ALMS1: variants seen among roughly 807,000 people sequenced by gnomAD.
The protein encoded by ALMS1 is ALMS1 centrosome and basal body associated protein.
A neutral mutation model predicts 352.2 loss-of-function variants in ALMS1; 271 were observed. That is an observed-to-expected ratio of 0.77 (90% CI 0.70 to 0.85). The LOEUF (loss-of-function observed/expected upper bound fraction) is 0.85. Ranked by LOEUF, ALMS1 falls within the 40% of genes least tolerant of loss-of-function variation. The pLI, the probability that ALMS1 is intolerant of heterozygous loss-of-function variation, is 0.00. For synonymous variants in ALMS1, 1,865 were observed against 1,761.2 expected (o/e 1.06, Z -1.48); for missense variants, 5,445 against 4,870.7 (o/e 1.12, Z -3.51).
At chr2:73,551,805 A>G (rs1573014362) in intron 13 of ALMS1, among the ~76,000 whole-genome samples, 1 of 152,160 alleles carries the variant, frequency 6.6e-6, no homozygotes, top group East Asian at 1.9e-4. Flanking sequence ...GATAGATGAT[A>G]ATATTTATTA....
rs2104216355 is a variant in ALMS1 at position 73,608,542 on chromosome 2, T to A, written c.12430T>A (p.Ser4144Thr). The change falls in exon 22 of 23, where the codon TCA becomes ACA. Residue 4144 changes from serine (S) to threonine (T), a missense_variant. Ser to Thr is a moderately conservative substitution (Grantham distance 58, BLOSUM62 1). Coordinates refer to ENST00000613296, the MANE Select transcript of ALMS1 (RefSeq NM_001378454.1). ...AGAGAAGAGAAAATCAGAATATAAGTCATACCGGCTGCGAGCCCAGCTATA... is the reference window on the plus strand; with the variant it reads ...AGAGAAGAGAAAATCAGAATATAAGACATACCGGCTGCGAGCCCAGCTATA... Reference protein sequence around the residue: ...EEEKRKSEYKSYRLRAQLYKK... With the variant: ...EEEKRKSEYKTYRLRAQLYKK... 2 of 1,614,068 alleles carry A rather than the reference T, an allele frequency of 1.2e-6. No homozygotes were observed. Among genetic ancestry groups the A allele is most frequent in the Non-Finnish European group, 1.7e-6 (2 of 1,179,976 alleles).
At position 73,451,271 on chromosome 2, in the gene ALMS1, A is replaced by C. The variant is rs779872739; in HGVS notation, c.4744A>C (p.Lys1582Gln). The C allele has an allele frequency of 6.2e-7, 1 of 1,613,370 alleles. No homozygotes were observed. Among genetic ancestry groups the C allele is most frequent in the East Asian group, 2.2e-5 (1 of 44,812 alleles). Residue 1582 changes from lysine to glutamine, a missense_variant, in exon 8 of 23, where the codon AAA becomes CAA. Physicochemically the swap from Lys to Gln is moderately conservative, Grantham distance 53. Transcript: ENST00000613296. ...SFGEKPIVNY[K>Q]QAFPDGHLPE... ...TGGAGAGAAGCCGATTGTTAACTAC[A>C]AACAGGCCTTTCCAGATGGTCATCT...
chr2:73,502,107 A>T (rs1480148237), intron 10 of ALMS1, among the ~76,000 whole-genome samples: 3 of 152,134 alleles, frequency 2.0e-5, no homozygotes, highest in Non-Finnish European at 2.9e-5. Flanking sequence ...GTAGGTCCCA[A>T]CAAGTTAATT....
chr2:73,534,882 A>C lies in ALMS1; in HGVS notation c.9840A>C (p.Pro3280=), dbSNP rs1392755260. The C allele has an allele frequency of 6.2e-7, 1 of 1,613,716 alleles. No individual in the cohort carries two copies. The highest frequency in any genetic ancestry group is 1.7e-5 in the Admixed American group (1 of 60,024). The change falls in exon 12 of 23, where the codon CCA becomes CCC. Residue 3280 remains proline (P), a synonymous_variant. Coordinates refer to ENST00000613296, the MANE Select transcript of ALMS1 (RefSeq NM_001378454.1). ...GTAGTACCAAGATGTATTATGTTCC[A>C]CAATTAAGACAAATTCCTCCATCTC... ...PSGSTKMYYV[P]QLRQIPPSPD... is the part of the protein sequence containing the mutation.
intron 9 of ALMS1, among the ~76,000 whole-genome samples, chr2:73,488,208 G>A (rs1672897005): frequency 6.6e-6 from 1 of 152,182 alleles, no homozygotes; most frequent in Admixed American, 6.5e-5. Flanking sequence ...GGCGCCTGCA[G>A]GCCCACTCTG....
rs2103775871 is a variant in ALMS1 at position 73,449,133 on chromosome 2, C to T, written c.2606C>T (p.Ala869Val). ...TCTTCACTTGGAGAAAAGCCCAGTG[C>T]TTTCTATCAGCAGACCTTACCCAAT... ...ASSSLGEKPS[A>V]FYQQTLPNSH... The change falls in exon 8 of 23, where the codon GCT becomes GTT. Residue 869 changes from alanine to valine, a missense_variant. Ala to Val is a moderately conservative substitution (Grantham distance 64). Coordinates refer to ENST00000613296, the MANE Select transcript of ALMS1 (RefSeq NM_001378454.1). The T allele has an allele frequency of 6.2e-7, 1 of 1,613,992 alleles. No individual in the cohort carries two copies. Among genetic ancestry groups the T allele is most frequent in the East Asian group, 2.2e-5 (1 of 44,866 alleles).
At chr2:73,498,568 C>G (rs1673156777) in intron 10 of ALMS1, among the ~76,000 whole-genome samples, 1 of 151,918 alleles carries the variant, frequency 6.6e-6, no homozygotes, top group Non-Finnish European at 1.5e-5. Context: ...AAACCCCTCA[C>G]TACCTTTCTC....
intron 16 of ALMS1, among the ~76,000 whole-genome samples, chr2:73,575,645 C>G (rs1675036469): frequency 6.6e-6 from 1 of 152,000 alleles, no homozygotes; most frequent in South Asian, 2.1e-4. Context: ...CTTTTCAAGT[C>G]ATTTGGCCAT....
intron 9 of ALMS1, chr2:73,462,846 A>T (rs9752660): frequency 6.6e-6 from 1 of 151,664 alleles, no homozygotes; most frequent in Non-Finnish European, 1.5e-5. Flanking sequence ...AACAAAGATC[A>T]AAAGAGACAA....
At chr2:73,466,057 A>G (rs1486693233) in intron 9 of ALMS1, among the ~76,000 whole-genome samples, 2 of 152,200 alleles carry the variant, frequency 1.3e-5, no homozygotes, top group Non-Finnish European at 2.9e-5. Flanking sequence ...TAGTTCAACC[A>G]CTGTGGAAGT....
At chr2:73,534,477 C>T (rs574810023) in intron 11 of ALMS1, among the ~76,000 whole-genome samples, 1 of 152,234 alleles carries the variant, frequency 6.6e-6, no homozygotes, top group African/African-American at 2.4e-5. Flanking sequence ...AAAAAGTCAT[C>T]TCAATGAAAC....
At chr2:73,455,445 C>G in intron 9 of ALMS1, 150 bp downstream of exon 9, 1 of 1,006,736 alleles carries the variant, frequency 9.9e-7, no homozygotes, top group Non-Finnish European at 1.5e-6. Context: ...GCTCTGTTGC[C>G]CAGGCTGAAG....
At chr2:73,593,337 C>T (rs1253917764) in intron 16 of ALMS1, among the ~76,000 whole-genome samples, 1 of 152,066 alleles carries the variant, frequency 6.6e-6, no homozygotes, top group African/African-American at 2.4e-5. Context: ...TGTGCTTGGC[C>T]CAGCTTTAGA....
At chr2:73,600,560 C>T in intron 17 of ALMS1, 118 bp from the exon 18 acceptor site, 1 of 936,322 alleles carries the variant, frequency 1.1e-6, no homozygotes, top group Non-Finnish European at 1.6e-6. Context: ...ATCCCTCCAT[C>T]CCACACAAAG....
At chr2:73,454,357 A>G (rs1672016219) in intron 8 of ALMS1, 3 of 985,396 alleles carry the variant, frequency 3.0e-6, no homozygotes, top group Non-Finnish European at 2.4e-6. Context: ...GTAGATTCTG[A>G]TGTATGACAG....
At position 73,437,950 on chromosome 2, in the gene ALMS1, T is replaced by TA. The variant is rs201849432; in HGVS notation, c.1432+5667dup. On this transcript the variant is annotated intron_variant, in intron 7 of 22. Transcript: ENST00000613296. ...AGCCAATCACACCCTCCTACAGAAA[T>TA]AAAAAAAATCACGCTCTTTTCTTGC... Among the ~76,000 whole-genome samples the TA allele has an allele frequency of 9.9e-5, 15 of 152,078 alleles. No homozygotes were observed. In the East Asian group the frequency reaches 2.9e-3, roughly 29 times the overall value.
rs553920328 is a variant in ALMS1 at position 73,587,525 on chromosome 2, T to C, written c.11548-11876T>C. Among the ~76,000 whole-genome samples, 23 of 152,362 alleles carry C rather than the reference T, an allele frequency of 1.5e-4. No homozygotes were observed. The East Asian group carries it at 1.5e-3, about 10-fold the overall frequency. On this transcript the variant is annotated intron_variant, in intron 16 of 22. Coordinates refer to ENST00000613296, the MANE Select transcript of ALMS1 (RefSeq NM_001378454.1). ...TTGCCAGATGCTTTTTCTGCATCTT[T>C]TGAGATGATCATGTGATTTTTATTT...
chr2:73,423,882 A>G (rs1671329651), intron 4 of ALMS1, among the ~76,000 whole-genome samples: 1 of 151,866 alleles, frequency 6.6e-6, no homozygotes, highest in South Asian at 2.1e-4. Flanking sequence ...GGCTCAAGCA[A>G]TCCTCCTGCC....
Position 73,451,168 on chromosome 2 carries a change from T to G in ALMS1, c.4641T>G (p.Ala1547=), listed in dbSNP as rs1053369121. 1 of 1,613,888 alleles carries G rather than the reference T, an allele frequency of 6.2e-7. No homozygotes were observed. Among genetic ancestry groups the G allele is most frequent in the Non-Finnish European group, 8.5e-7 (1 of 1,179,976 alleles). The part of the protein sequence containing the change: ...ALLGSQIPEE[A]LRVSSAPGPA... ...TAGGTAGTCAAATACCTGAAGAGGC[T>G]CTCAGAGTTTCTTCTGCTCCTGGAC... is the stretch of plus-strand genomic sequence containing the variant. The change falls in exon 8 of 23, where the codon GCT becomes GCG. Residue 1547 remains alanine, a synonymous_variant. Coordinates refer to ENST00000613296, the MANE Select transcript of ALMS1 (RefSeq NM_001378454.1).
Sources: gnomAD v4.1 joint callset for allele counts (sites outside exome capture counted in the v4.1 genomes callset) on GRCh38, gnomAD v4.1.1 for gene constraint, MANE v1.5 for transcripts, NCBI Gene and HGNC (gene_info 2026-07-23, HGNC 2026-07-21) for gene names.